SNTG1: variants seen among roughly 807,000 people sequenced by gnomAD.
The protein encoded by SNTG1 is syntrophin gamma 1.
A neutral mutation model predicts 74.7 loss-of-function variants in SNTG1; 39 were observed. That is an observed-to-expected ratio of 0.52 (90% CI 0.40 to 0.68). The LOEUF is 0.68. Ranked by LOEUF, SNTG1 falls within the 30% of genes least tolerant of loss-of-function variation. SNTG1 has a pLI of 0.00. For missense variants in SNTG1, 685 were observed against 609.5 expected (o/e 1.12, Z -1.30); for synonymous variants, 254 against 217.1 (o/e 1.17, Z -1.49).
At chr8:50,526,559 T>A in intron 9 of SNTG1, among the ~76,000 whole-genome samples, 1 of 152,148 alleles carries the variant, frequency 6.6e-6, no homozygotes, top group East Asian at 1.9e-4. Flanking sequence ...GTCTGAGGTT[T>A]CTATTCCACC....
intron 11 of SNTG1, among the ~76,000 whole-genome samples, chr8:50,547,813 A>G (rs748935278): frequency 1.3e-5 from 2 of 152,184 alleles, no homozygotes; most frequent in Non-Finnish European, 2.9e-5. Context: ...ATATAGGTTA[A>G]AGGTGTATAA....
rs1462938702 is a variant in SNTG1 at position 50,222,308 on chromosome 8, A to G, written c.-28+49673A>G. ...AGTATAGCCTGAGGGAGGGGCTACT[A>G]TCATTTAAACTATAAACTAAATTTC... is the stretch of plus-strand genomic sequence containing the variant. On this transcript the variant is annotated intron_variant, in intron 2 of 18. Coordinates refer to ENST00000642720, the MANE Select transcript of SNTG1 (RefSeq NM_018967.5). Among the ~76,000 whole-genome samples the G allele has an allele frequency of 2.6e-5, 4 of 152,206 alleles. No homozygotes were observed. The South Asian group carries it at 6.2e-4, about 24-fold the overall frequency.
chr8:50,247,249 C>T lies in SNTG1; in HGVS notation c.-28+74614C>T, dbSNP rs115575768. ...TTATAATGAGTTATCCACTCACAAA[C>T]TGCTTATTTCTTTGGGGCATTGTCC... On this transcript the variant is annotated intron_variant, in intron 2 of 18. Coordinates refer to ENST00000642720, the MANE Select transcript of SNTG1 (RefSeq NM_018967.5). 2.8e-3 allele frequency among the ~76,000 whole-genome samples: 427 copies of T among 152,242 alleles called. 4 individuals carry two copies. The highest frequency in any genetic ancestry group is 9.5e-3 in the African/African-American group (396 of 41,546).
At chr8:50,357,342 C>G (rs1300736998) in intron 2 of SNTG1, among the ~76,000 whole-genome samples, 1 of 152,230 alleles carries the variant, frequency 6.6e-6, no homozygotes, top group Non-Finnish European at 1.5e-5. Flanking sequence ...CCAAGTCCAA[C>G]TGGATGGAAA....
At chr8:50,240,526 A>G (rs542200501) in intron 2 of SNTG1, among the ~76,000 whole-genome samples, 16 of 152,210 alleles carry the variant, frequency 1.1e-4, no homozygotes, top group Non-Finnish European at 2.1e-4. Context: ...AGAACAAACT[A>G]AACCTATCAC....
At chr8:50,538,562 A>G (rs2094324035) in intron 11 of SNTG1, among the ~76,000 whole-genome samples, 1 of 152,124 alleles carries the variant, frequency 6.6e-6, no homozygotes, top group Non-Finnish European at 1.5e-5. Flanking sequence ...TGTCCCCTGT[A>G]AGTAATATGT....
intron 2 of SNTG1, among the ~76,000 whole-genome samples, chr8:50,306,630 G>T (rs145176283): frequency 0.029 from 4,473 of 151,938 alleles, 97 homozygotes; most frequent in Middle Eastern, 0.071. Flanking sequence ...GTTTTAATTT[G>T]CATTTCCCTG....
Position 50,745,066 on chromosome 8 carries a change from C to T in SNTG1, c.1285-6935C>T, listed in dbSNP as rs149375502. On this transcript the variant is annotated intron_variant, in intron 17 of 18. Coordinates refer to ENST00000642720, the MANE Select transcript of SNTG1 (RefSeq NM_018967.5). ...ATAGATAAATTGGACAACATTAAAGCGAATGACTTTTGTACATCAAAGGGT... is the reference window on the plus strand; with the variant it reads ...ATAGATAAATTGGACAACATTAAAGTGAATGACTTTTGTACATCAAAGGGT... Among the ~76,000 whole-genome samples, 16 of 152,016 alleles carry T rather than the reference C, an allele frequency of 1.1e-4. No homozygotes were observed. The East Asian group carries it at 1.9e-3, about 18-fold the overall frequency.
chr8:50,162,497 G>C (rs911191221), intron 1 of SNTG1, among the ~76,000 whole-genome samples: 5 of 148,890 alleles, frequency 3.4e-5, no homozygotes, highest in African/African-American at 1.2e-4. Flanking sequence ...GGGAGGTGGA[G>C]CTTGCAGTGA....
intron 11 of SNTG1, among the ~76,000 whole-genome samples, chr8:50,544,781 T>C (rs1273919461): frequency 6.6e-6 from 1 of 152,070 alleles, no homozygotes; most frequent in Admixed American, 6.6e-5. Flanking sequence ...ACTCATTCAC[T>C]CAACCAATAT....
intron 1 of SNTG1, among the ~76,000 whole-genome samples, chr8:50,161,584 T>C (rs1268524680): frequency 6.6e-6 from 1 of 152,064 alleles, no homozygotes; most frequent in African/African-American, 2.4e-5. Context: ...GGTGCATGTG[T>C]TGTGTGTGGT....
chr8:50,134,958 G>C (rs2081425530), intron 1 of SNTG1, among the ~76,000 whole-genome samples: 1 of 152,134 alleles, frequency 6.6e-6, no homozygotes, highest in South Asian at 2.1e-4. Context: ...AATAGAAACT[G>C]TAGCATAGAA....
intron 2 of SNTG1, among the ~76,000 whole-genome samples, chr8:50,282,403 C>G (rs1163066431): frequency 6.6e-6 from 1 of 151,360 alleles, no homozygotes; most frequent in Non-Finnish European, 1.5e-5. Context: ...TTTCATGTTT[C>G]TTTCTTCTTT....
intron 1 of SNTG1, among the ~76,000 whole-genome samples, chr8:50,066,031 A>G (rs953277255): frequency 6.6e-6 from 1 of 152,166 alleles, no homozygotes; most frequent in Non-Finnish European, 1.5e-5. Context: ...CCTGGCCAAC[A>G]TGGTGAAACC....
At chr8:50,508,612 C>A (rs951238668) in intron 9 of SNTG1, among the ~76,000 whole-genome samples, 1 of 152,208 alleles carries the variant, frequency 6.6e-6, no homozygotes, top group Non-Finnish European at 1.5e-5. Context: ...GATCGCCATT[C>A]TAACTGGTGT....
rs2095325663 is a variant in SNTG1, at chr8:50,680,235, A to ATTTTTATTTT, written c.1038+21572_1038+21573insTTTTTATTTT. Among the ~76,000 whole-genome samples, 3 of 152,334 alleles carry ATTTTTATTTT rather than the reference A, an allele frequency of 2.0e-5. No homozygotes were observed. In the South Asian group the frequency reaches 6.2e-4, roughly 32 times the overall value. ...AAAAAGGATAGTGTATGTGACAGGC[A>ATTTTTATTTT]ATTTTATTGTAAAAACTTGCTTAAT... On this transcript the variant is annotated intron_variant, in intron 15 of 18. Coordinates refer to ENST00000642720, the MANE Select transcript of SNTG1 (RefSeq NM_018967.5).
chr8:50,273,442 A>G (rs2087900539), intron 2 of SNTG1, among the ~76,000 whole-genome samples: 2 of 152,228 alleles, frequency 1.3e-5, no homozygotes, highest in African/African-American at 4.8e-5. Context: ...TAACCAAAAG[A>G]GAAAAATAAT....
rs2095694914 is a variant in SNTG1 at position 50,792,788 on chromosome 8, G to A, written c.1513G>A (p.Ala505Thr). 1 of 1,612,302 alleles carries A rather than the reference G, an allele frequency of 6.2e-7. No homozygotes were observed. Among genetic ancestry groups the A allele is most frequent in the South Asian group, 1.1e-5 (1 of 91,016 alleles). ...LGNQATASTA[A>T]SSATTSKAKY... ...CAATCAAGCTACTGCTTCTACTGCT[G>A]CCAGCTCTGCTACCACGAGCAAAGC... is the stretch of plus-strand genomic sequence containing the variant. Residue 505 changes from alanine (A) to threonine (T), a missense_variant, in exon 19 of 19, where the codon GCC becomes ACC. Coordinates refer to ENST00000642720, the MANE Select transcript of SNTG1 (RefSeq NM_018967.5).
intron 12 of SNTG1, among the ~76,000 whole-genome samples, chr8:50,586,595 T>A (rs2094649679): frequency 6.6e-6 from 1 of 152,032 alleles, no homozygotes. Context: ...TGGTAGAAGG[T>A]CATTAAAAGA....
Sources: allele counts gnomAD v4.1 joint callset (sites outside exome capture counted in the v4.1 genomes callset), GRCh38; gene constraint gnomAD v4.1.1; transcripts MANE v1.5; gene names NCBI Gene and HGNC (gene_info 2026-07-23, HGNC 2026-07-21).